The following CUBN variants were observed in gnomAD, a reference collection of about 807,000 sequenced individuals.
The protein encoded by CUBN is 460 kDa receptor.
Under a neutral mutation model 405.3 loss-of-function variants are expected in CUBN, and 282 were observed. The observed-to-expected ratio is 0.70, with a 90% CI of 0.63 to 0.77. CUBN has a LOEUF of 0.77. CUBN is among the 30% of genes least tolerant of loss of function. CUBN has a pLI of 0.00. For synonymous variants in CUBN, 1,684 were observed against 1,617.0 expected, an observed-to-expected ratio of 1.04 and a Z score of -0.99; for missense variants, 4,514 against 4,475.2, an observed-to-expected ratio of 1.01 and a Z score of -0.25.
intron 43 of CUBN, among the ~76,000 whole-genome samples, chr10:16,922,636 G>C (rs1282929713): frequency 6.6e-6 from 1 of 152,048 alleles, no homozygotes; most frequent in Non-Finnish European, 1.5e-5. Flanking sequence ...ATCTCTTTTT[G>C]ACTCTGATCT....
intron 28 of CUBN, among the ~76,000 whole-genome samples, chr10:17,007,091 C>T (rs1159708607): frequency 6.6e-6 from 1 of 152,172 alleles, no homozygotes; most frequent in Non-Finnish European, 1.5e-5. Flanking sequence ...GGAGCAACGA[C>T]CAGAAGAGGC....
At chr10:17,088,939 T>C (rs1836190213) in intron 14 of CUBN, among the ~76,000 whole-genome samples, 1 of 152,190 alleles carries the variant, frequency 6.6e-6, no homozygotes, top group African/African-American at 2.4e-5. Context: ...CCATCCTCAT[T>C]ATACCACATC....
At chr10:17,111,511 C>T (rs771248901) in intron 8 of CUBN, among the ~76,000 whole-genome samples, 7 of 152,150 alleles carry the variant, frequency 4.6e-5, no homozygotes, top group Non-Finnish European at 8.8e-5. Context: ...TAGCTGAACA[C>T]CTTATGACTC....
chr10:17,019,725 G>C (rs1834440491), intron 28 of CUBN, 108 bp downstream of exon 28: 1 of 1,294,230 alleles, frequency 7.7e-7, no homozygotes, highest in Non-Finnish European at 1.1e-6. Flanking sequence ...TTACTACCTG[G>C]GTTCCATTAT....
At chr10:16,985,596 G>T (rs1319787898) in intron 29 of CUBN, among the ~76,000 whole-genome samples, 22 of 152,204 alleles carry the variant, frequency 1.4e-4, no homozygotes, top group Admixed American at 1.4e-3. Flanking sequence ...GAATACTGTA[G>T]CCTGCCCATG....
At chr10:17,109,402 C>T (rs528164917) in intron 10 of CUBN, among the ~76,000 whole-genome samples, 8 of 152,240 alleles carry the variant, frequency 5.3e-5, no homozygotes, top group South Asian at 2.1e-4. Context: ...GGAATACAGT[C>T]GTTAATTAAT....
In CUBN at chr10:16,835,215, T is replaced by C; in HGVS notation, c.10181-20A>G. 6.3e-7 allele frequency: 1 copy of C among 1,588,820 alleles called. No individual in the cohort carries two copies. The highest frequency in any genetic ancestry group is 1.3e-5 in the African/African-American group (1 of 74,424). On this transcript the variant is annotated intron_variant, in intron 63 of 66. Coordinates refer to ENST00000377833, the MANE Select transcript of CUBN (RefSeq NM_001081.4). ...TGCAATCTTAGAGGAAAAATAGGCA[T>C]AATTAATGTACGCATTCCAATATTT... is the stretch of plus-strand genomic sequence containing the variant.
chr10:16,826,276 ATATT>A (rs1838777987), intron 66 of CUBN, among the ~76,000 whole-genome samples: 1 of 143,188 alleles, frequency 7.0e-6, no homozygotes, highest in Non-Finnish European at 1.5e-5. Flanking sequence ...ATGTATATAA[ATATT>A]ACAAGTTTAA....
chr10:17,043,897 G>A lies in CUBN; in HGVS notation c.3759C>T (p.Asp1253=). 2 of 1,613,562 alleles carry A rather than the reference G, an allele frequency of 1.2e-6. No individual in the cohort carries two copies. Among genetic ancestry groups the A allele is most frequent in the Non-Finnish European group, 1.7e-6 (2 of 1,179,738 alleles). ...CTGTCCTCAGTTTTATAAACATGCT[G>A]TCTCCACTAGAACGAATAAGAGGGG... The part of the protein sequence containing the change: ...EKPPLIRSSG[D]SMFIKLRTDE... Residue 1253 remains aspartate (D), a synonymous_variant, in exon 26 of 67, where the codon GAC becomes GAT. Transcript: ENST00000377833.
chr10:16,884,380 G>A (rs1840751334), intron 56 of CUBN, among the ~76,000 whole-genome samples: 1 of 119,398 alleles, frequency 8.4e-6, no homozygotes, highest in African/African-American at 3.1e-5. Context: ...TAAGAAAACT[G>A]GATCTATAAT....
At position 16,913,800 on chromosome 10, in the gene CUBN, G is replaced by A. The variant is rs768974057; in HGVS notation, c.7533+11C>T. 8.1e-6 allele frequency: 13 copies of A among 1,612,754 alleles called. No individual in the cohort carries two copies. Among genetic ancestry groups the A allele is most frequent in the Non-Finnish European group, 9.3e-6 (11 of 1,179,990 alleles). On this transcript the variant is annotated intron_variant, in intron 48 of 66. Coordinates refer to ENST00000377833, the MANE Select transcript of CUBN (RefSeq NM_001081.4). ...TGGAATATAACATCTCAGGCGGCAG[G>A]GAACACTTACTATCACATGCTCATT...
intron 26 of CUBN, among the ~76,000 whole-genome samples, chr10:17,041,510 G>A (rs141889496): frequency 7.3e-4 from 111 of 152,094 alleles, no homozygotes; most frequent in African/African-American, 2.6e-3. Flanking sequence ...GTTAAAATAG[G>A]CATCAAATTC....
At chr10:16,941,375 G>A (rs556873905) in intron 36 of CUBN, among the ~76,000 whole-genome samples, 53 of 152,180 alleles carry the variant, frequency 3.5e-4, no homozygotes, top group Admixed American at 2.9e-3. Flanking sequence ...ATTTCTCAAG[G>A]ATGTAAATAT....
intron 40 of CUBN, among the ~76,000 whole-genome samples, chr10:16,930,184 T>G (rs1842321936): frequency 6.6e-6 from 1 of 152,216 alleles, no homozygotes; most frequent in South Asian, 2.1e-4. Flanking sequence ...CAATTCTTTC[T>G]CTAGTCCAAC....
intron 6 of CUBN, among the ~76,000 whole-genome samples, chr10:17,121,448 A>G (rs556457754): frequency 1.2e-3 from 181 of 151,496 alleles, no homozygotes; most frequent in Non-Finnish European, 2.3e-3. Context: ...TCACAAGGAC[A>G]AAAAACCAAA....
At chr10:16,872,294 T>A (rs1840379304) in intron 58 of CUBN, among the ~76,000 whole-genome samples, 1 of 151,584 alleles carries the variant, frequency 6.6e-6, no homozygotes, top group African/African-American at 2.4e-5. Context: ...TTCATTATGG[T>A]GAGCTCCAGG....
At chr10:17,010,742 C>G (rs532119005) in intron 28 of CUBN, among the ~76,000 whole-genome samples, 5 of 152,176 alleles carry the variant, frequency 3.3e-5, no homozygotes, top group African/African-American at 1.2e-4. Context: ...TTTGGGAATT[C>G]CTAATGTACG....
At chr10:16,910,119 T>C (rs1191601787) in intron 48 of CUBN, among the ~76,000 whole-genome samples, 1 of 151,960 alleles carries the variant, frequency 6.6e-6, no homozygotes, top group African/African-American at 2.4e-5. Context: ...TCCTTCTCTT[T>C]CTCCTTCTTC....
intron 29 of CUBN, among the ~76,000 whole-genome samples, chr10:16,988,656 A>G (rs908217643): frequency 6.6e-6 from 1 of 152,126 alleles, no homozygotes; most frequent in South Asian, 2.1e-4. Flanking sequence ...GGATAATTCC[A>G]TTTCTTTTCA....
Sources: allele counts gnomAD v4.1 joint callset (sites outside exome capture counted in the v4.1 genomes callset), GRCh38; gene constraint gnomAD v4.1.1; transcripts MANE v1.5; gene names NCBI Gene and HGNC (gene_info 2026-07-23, HGNC 2026-07-21).